Variants in PAICS observed in about 807,000 individuals in gnomAD.
The protein encoded by PAICS is bifunctional phosphoribosylaminoimidazole carboxylase/phosphoribosylaminoimidazole succinocarboxamide synthetase.
A neutral mutation model predicts 53.7 loss-of-function variants in PAICS; 33 were observed. That is an observed-to-expected ratio of 0.61 (90% CI 0.47 to 0.82). The LOEUF (loss-of-function observed/expected upper bound fraction) is 0.82. Ranked by LOEUF, PAICS falls within the 40% of genes least tolerant of loss-of-function variation. The probability of loss-of-function intolerance (pLI) is 0.00; values close to 1 mark genes in which losing one functional copy is unlikely to be tolerated. For synonymous variants in PAICS, 141 were observed against 167.2 expected (o/e 0.84, Z 1.21); for missense variants, 394 against 494.1 (o/e 0.80, Z 1.92).
At chr4:56,447,952 C>T (rs1425097035) in intron 3 of PAICS, among the ~76,000 whole-genome samples, 5 of 151,808 alleles carry the variant, frequency 3.3e-5, no homozygotes, top group Admixed American at 1.3e-4. Context: ...GCTTCAGCCT[C>T]CTAAATTACT....
In PAICS at chr4:56,463,281, ATTTC is replaced by A. The variant is rs1441956402; in HGVS notation, c.*3746_*3749del. 1 of 151,950 alleles carries A rather than the reference ATTTC, an allele frequency of 6.6e-6. No individual in the cohort carries two copies. The highest frequency in any genetic ancestry group is 1.5e-5 in the Non-Finnish European group (1 of 68,088). 9.4% of individuals were successfully genotyped at this position (151,950 alleles called of 1,614,324 possible). On this transcript the variant is annotated 3_prime_UTR_variant, in exon 9 of 9. Coordinates refer to ENST00000512576, the MANE Select transcript of PAICS (RefSeq NM_001079524.2). ...ATCAAGTTATAAAATGGAGCTAAAT[ATTTC>A]TTCTGCTTGCCTCTGAGTTGATAAG...
At chr4:56,432,975 T>C (rs1273216070), upstream of PAICS, among the ~76,000 whole-genome samples, 1 of 127,442 alleles carries the variant, frequency 7.8e-6, no homozygotes, top group Non-Finnish European at 1.6e-5. Flanking sequence ...TATATATACA[T>C]ATATACATAC....
At chr4:56,432,226 A>G (rs1461391465), upstream of PAICS, among the ~76,000 whole-genome samples, 2 of 152,168 alleles carry the variant, frequency 1.3e-5, no homozygotes, top group African/African-American at 2.4e-5. Flanking sequence ...TCTAGATTCC[A>G]TCTTCTTAAA....
At chr4:56,433,970 G>C (rs1717754585), upstream of PAICS, among the ~76,000 whole-genome samples, 1 of 152,148 alleles carries the variant, frequency 6.6e-6, no homozygotes, top group African/African-American at 2.4e-5. Context: ...GATTACAGGC[G>C]TGAGCCACCG....
the PAICS span, among the ~76,000 whole-genome samples, chr4:56,418,783 A>C: frequency 6.6e-6 from 1 of 152,244 alleles, no homozygotes; most frequent in African/African-American, 2.4e-5. Context: ...TGTCAAAATA[A>C]CCAATATAAA....
chr4:56,412,530 G>C, the PAICS span, among the ~76,000 whole-genome samples: 1 of 152,044 alleles, frequency 6.6e-6, no homozygotes, highest in Non-Finnish European at 1.5e-5. Flanking sequence ...TTGAACTCCT[G>C]GGTTCAAGAG....
chr4:56,437,447 G>A (rs1718073804), intron 1 of PAICS, among the ~76,000 whole-genome samples: 1 of 152,126 alleles, frequency 6.6e-6, no homozygotes, highest in South Asian at 2.1e-4. Context: ...GTTGCTATAT[G>A]TATAGTGAGG....
chr4:56,435,297 C>T (rs1310957615), upstream of PAICS: 4 of 1,605,436 alleles, frequency 2.5e-6, no homozygotes, highest in African/African-American at 1.3e-5. Flanking sequence ...CTGCGGGAAG[C>T]GGCTCCGAGA....
the PAICS span, among the ~76,000 whole-genome samples, chr4:56,418,193 G>A: frequency 6.6e-6 from 1 of 152,262 alleles, no homozygotes. Flanking sequence ...GCGTGTGCCT[G>A]TGGTCCCAGC....
At position 56,462,149 on chromosome 4, in the gene PAICS, A is replaced by T. The variant is rs753873154; in HGVS notation, c.*2611A>T. On this transcript the variant is annotated 3_prime_UTR_variant, in exon 9 of 9. Coordinates refer to ENST00000512576, the MANE Select transcript of PAICS (RefSeq NM_001079524.2). ...ATGAAGAATCAAAATGAGGACGGTG[A>T]TGGGGATAAGAGGGGAAGGTTTTTG... 1 of 152,234 alleles carries T rather than the reference A, an allele frequency of 6.6e-6. No individual in the cohort carries two copies. Among genetic ancestry groups the T allele is most frequent in the African/African-American group, 2.4e-5 (1 of 41,464 alleles). The allele number at this position is 152,234 out of a possible 1,614,324, so 9.4% of individuals were successfully genotyped here.
intron 1 of PAICS, among the ~76,000 whole-genome samples, chr4:56,439,476 AT>A (rs1718227151): frequency 6.6e-6 from 1 of 152,126 alleles, no homozygotes; most frequent in Non-Finnish European, 1.5e-5. Flanking sequence ...ACCTCAAGTG[AT>A]CCGCCCGCCT....
intron 1 of PAICS, among the ~76,000 whole-genome samples, chr4:56,440,048 G>A (rs532311533): frequency 1.2e-4 from 19 of 152,286 alleles, no homozygotes; most frequent in South Asian, 6.2e-4. Flanking sequence ...TTTCCAAATA[G>A]CGTTTTGCTT....
rs1408283159 is a variant in PAICS, at chr4:56,462,442, T to TG, written c.*2905dup. ...TTAACATATTTAAAGGTTCTCTGGCTGTTGTGTGGACAAGAGGAGAAGCAG... is the reference window on the plus strand; with the variant it reads ...TTAACATATTTAAAGGTTCTCTGGCTGGTTGTGTGGACAAGAGGAGAAGCAG... On this transcript the variant is annotated 3_prime_UTR_variant, in exon 9 of 9. Coordinates refer to ENST00000512576, the MANE Select transcript of PAICS (RefSeq NM_001079524.2). 1 of 152,256 alleles carries TG rather than the reference T, an allele frequency of 6.6e-6. No individual in the cohort carries two copies. Among genetic ancestry groups the TG allele is most frequent in the Non-Finnish European group, 1.5e-5 (1 of 68,046 alleles). The allele number at this position is 152,256 out of a possible 1,614,324, so 9.4% of individuals were successfully genotyped here. A position where few individuals can be genotyped will look rare whatever the true frequency, so the allele number is the denominator to read the frequency against.
At chr4:56,447,835 G>C (rs764014559) in intron 3 of PAICS, among the ~76,000 whole-genome samples, 6 of 151,948 alleles carry the variant, frequency 3.9e-5, no homozygotes, top group Admixed American at 6.6e-5. Context: ...AAAAAGAGGA[G>C]TAATAATTGC....
chr4:56,443,390 A>G (rs180949774), intron 2 of PAICS, among the ~76,000 whole-genome samples: 1 of 152,024 alleles, frequency 6.6e-6, no homozygotes, highest in Admixed American at 6.6e-5. Flanking sequence ...GTTTTGCCAT[A>G]TTGGCCAGGC....
At chr4:56,452,183 C>G in intron 7 of PAICS, 131 bp downstream of exon 7, 1 of 623,966 alleles carries the variant, frequency 1.6e-6, no homozygotes, top group South Asian at 2.3e-5. Flanking sequence ...ATATACTAGG[C>G]TTTCTTTTTT....
rs773503084 is a variant in PAICS at position 56,459,566 on chromosome 4, GA to G, written c.*33del. On this transcript the variant is annotated 3_prime_UTR_variant, in exon 9 of 9. Coordinates refer to ENST00000512576, the MANE Select transcript of PAICS (RefSeq NM_001079524.2). ...AAGAATGCCATTGAATTTTTTAGGG[GA>G]AAAACTACAAATTTCTAATTTAGCT... The G allele has an allele frequency of 6.8e-7, 1 of 1,472,580 alleles. No homozygotes were observed. The highest frequency in any genetic ancestry group is 9.2e-7 in the Non-Finnish European group (1 of 1,086,778). The allele number at this position is 1,472,580 out of a possible 1,614,324, so 91.2% of individuals were successfully genotyped here. A position where few individuals can be genotyped will look rare whatever the true frequency, so the allele number is the denominator to read the frequency against.
At chr4:56,444,488 G>A (rs563900228) in intron 2 of PAICS, among the ~76,000 whole-genome samples, 1 of 152,188 alleles carries the variant, frequency 6.6e-6, no homozygotes, top group East Asian at 1.9e-4. Context: ...GGATGGCCAC[G>A]GGGACATATG....
chr4:56,456,723 T>TTA (rs1719226852), intron 8 of PAICS, among the ~76,000 whole-genome samples: 1 of 151,184 alleles, frequency 6.6e-6, no homozygotes, highest in Admixed American at 6.6e-5. Flanking sequence ...TTTTTTTTTT[T>TTA]ACACAATGTT....
Sources: allele counts gnomAD v4.1 joint callset (sites outside exome capture counted in the v4.1 genomes callset), GRCh38; gene constraint gnomAD v4.1.1; transcripts MANE v1.5; gene names NCBI Gene and HGNC (gene_info 2026-07-23, HGNC 2026-07-21).